Variants in SLC6A3 observed in about 807,000 individuals in gnomAD.
SLC6A3 encodes sodium-dependent dopamine transporter.
SLC6A3 carries 19 observed loss-of-function variants against 70.4 expected under a neutral mutation model. That is an observed-to-expected ratio of 0.27 (90% CI 0.19 to 0.40). The LOEUF is 0.40. SLC6A3 is among the 10% of genes least tolerant of loss of function. The probability of loss-of-function intolerance (pLI) is 1.00; values close to 1 mark genes in which losing one functional copy is unlikely to be tolerated. For missense variants in SLC6A3, 613 were observed against 838.5 expected, an observed-to-expected ratio of 0.73 and a Z score of 3.32; for synonymous variants, 368 against 356.6, an observed-to-expected ratio of 1.03 and a Z score of -0.36.
rs1423894926 is a variant in SLC6A3 at position 1,413,319 on chromosome 5, C to T, written c.1156+1372G>A. 6.6e-6 allele frequency among the ~76,000 whole-genome samples: 1 copy of T among 152,150 alleles called. No individual in the cohort carries two copies. The highest frequency in any genetic ancestry group is 1.5e-5 in the Non-Finnish European group (1 of 68,032). On this transcript the variant is annotated intron_variant, in intron 8 of 14. Transcript: ENST00000270349. The surrounding 1 kb of genome is among the most constrained non-coding windows in gnomAD (Gnocchi z 7.1). ...TGGAAAGAACATGGGCTTAGGAGGC[C>T]CACCTCTGAGCTGTGGCTCCAGCCC...
At chr5:1,416,911 A>G (rs1275504396) in intron 6 of SLC6A3, among the ~76,000 whole-genome samples, 4 of 152,156 alleles carry the variant, frequency 2.6e-5, no homozygotes, top group Admixed American at 2.6e-4. Flanking sequence ...ATTCATCCAC[A>G]TGCTGCATAA....
chr5:1,395,924 A>G (rs1393388746), intron 14 of SLC6A3, among the ~76,000 whole-genome samples: 2 of 152,218 alleles, frequency 1.3e-5, no homozygotes, highest in Non-Finnish European at 2.9e-5. Context: ...AATGTAAAAT[A>G]AAGACTAGAA....
At position 1,436,940 on chromosome 5, in the gene SLC6A3, A is replaced by C. The variant is rs1415328818; in HGVS notation, c.419-4242T>G. Reference sequence around the variant, plus strand: ...CCCTCCATACCTCACAGGAGGCATCAAGCAGGTCTTTGGAAGAAAGACGGG... The same window carrying C: ...CCCTCCATACCTCACAGGAGGCATCCAGCAGGTCTTTGGAAGAAAGACGGG... On this transcript the variant is annotated intron_variant, in intron 3 of 14. Coordinates refer to ENST00000270349, the MANE Select transcript of SLC6A3 (RefSeq NM_001044.5). This position sits in a 1 kb window ranked among gnomAD's most constrained non-coding sequence, Gnocchi z 5.2. 6.6e-6 allele frequency among the ~76,000 whole-genome samples: 1 copy of C among 152,188 alleles called. No homozygotes were observed. The highest frequency in any genetic ancestry group is 1.5e-5 in the Non-Finnish European group (1 of 68,030).
intron 14 of SLC6A3, among the ~76,000 whole-genome samples, chr5:1,398,537 T>C (rs895546137): frequency 2.6e-5 from 4 of 152,050 alleles, no homozygotes; most frequent in Admixed American, 6.6e-5. Context: ...TTCAAATATA[T>C]CAATAATCAC....
rs575728411 is a variant in SLC6A3 at position 1,426,518 on chromosome 5, G to A, written c.654-4504C>T. ...TCATACCACTGCACACTCCAGCCTG[G>A]ACAACAGAGTGAGATCCTGTCTCTA... is the stretch of plus-strand genomic sequence containing the variant. On this transcript the variant is annotated intron_variant, in intron 4 of 14. Transcript: ENST00000270349. Among the ~76,000 whole-genome samples the A allele has an allele frequency of 2.6e-5, 4 of 152,238 alleles. No homozygotes were observed. In the East Asian group the frequency reaches 5.8e-4, roughly 22 times the overall value.
At position 1,394,624 on chromosome 5, in the gene SLC6A3, A is replaced by T; in HGVS notation, c.*111T>A. On this transcript the variant is annotated 3_prime_UTR_variant, in exon 15 of 15. Transcript: ENST00000270349. This position sits in a 1 kb window ranked among gnomAD's most constrained non-coding sequence, Gnocchi z 4.7. ...GCTTTGTTGTTTGTGTTTTCAGTAG[A>T]GGTTGAAGAGTAGAAGTTGCCCTCC... is the stretch of plus-strand genomic sequence containing the variant. 2.0e-6 allele frequency: 2 copies of T among 1,014,998 alleles called. No homozygotes were observed. The highest frequency in any genetic ancestry group is 3.2e-6 in the Non-Finnish European group (2 of 634,106). 62.9% of individuals were successfully genotyped at this position (1,014,998 alleles called of 1,614,324 possible).
At position 1,402,438 on chromosome 5, in the gene SLC6A3, C is replaced by T. The variant is rs185203352; in HGVS notation, c.1767+484G>A. Among the ~76,000 whole-genome samples, 2 of 152,160 alleles carry T rather than the reference C, an allele frequency of 1.3e-5. No individual in the cohort carries two copies. The highest frequency in any genetic ancestry group is 4.8e-5 in the African/African-American group (2 of 41,518). The stretch of plus-strand genomic sequence containing the variant: ...TGTTCAGCCAAAGTTGGGCTCGGCC[C>T]TGGGGGGACCTAGATCACCCCTGAT... On this transcript the variant is annotated intron_variant, in intron 13 of 14. Coordinates refer to ENST00000270349, the MANE Select transcript of SLC6A3 (RefSeq NM_001044.5). This position sits in a 1 kb window ranked among gnomAD's most constrained non-coding sequence, Gnocchi z 8.5.
At chr5:1,445,059 G>T (rs1733769335) in intron 1 of SLC6A3, among the ~76,000 whole-genome samples, 1 of 152,150 alleles carries the variant, frequency 6.6e-6, no homozygotes, top group Non-Finnish European at 1.5e-5. Flanking sequence ...AGACACCCAC[G>T]CGTCCCCTAA....
intron 4 of SLC6A3, among the ~76,000 whole-genome samples, chr5:1,425,213 C>T (rs1050538151): frequency 6.6e-6 from 1 of 152,198 alleles, no homozygotes; most frequent in African/African-American, 2.4e-5. Flanking sequence ...GTGATCCAGG[C>T]ATGCTCAGGC....
In SLC6A3 at chr5:1,394,675, G is replaced by A. The variant is rs1038071043; in HGVS notation, c.*60C>T. The A allele has an allele frequency of 1.3e-6, 2 of 1,535,488 alleles. No individual in the cohort carries two copies. Among genetic ancestry groups the A allele is most frequent in the Admixed American group, 1.7e-5 (1 of 59,940 alleles). ...TTTCTCTCGAAACTTAGATTTCCTTGGTTTGTTCGTGTCTCTCCCATTGCA... is the reference window on the plus strand; with the variant it reads ...TTTCTCTCGAAACTTAGATTTCCTTAGTTTGTTCGTGTCTCTCCCATTGCA... On this transcript the variant is annotated 3_prime_UTR_variant, in exon 15 of 15. Transcript: ENST00000270349. The surrounding 1 kb of genome is among the most constrained non-coding windows in gnomAD (Gnocchi z 4.7).
intron 4 of SLC6A3, among the ~76,000 whole-genome samples, chr5:1,428,702 CCTGAGGAACACTGGGTGTAGGAGCCAGCA>C (rs1756627150): frequency 6.6e-6 from 1 of 152,104 alleles, no homozygotes; most frequent in Non-Finnish European, 1.5e-5. Context: ...ATTTGCCAAC[CCTGAGGAACACTGGGTGTAGGAGCCAGCA>C]CTGCACACGG....
At position 1,436,532 on chromosome 5, in the gene SLC6A3, C is replaced by G. The variant is rs1181702427; in HGVS notation, c.419-3834G>C. On this transcript the variant is annotated intron_variant, in intron 3 of 14. Coordinates refer to ENST00000270349, the MANE Select transcript of SLC6A3 (RefSeq NM_001044.5). This position sits in a 1 kb window ranked among gnomAD's most constrained non-coding sequence, Gnocchi z 5.2. Reference sequence around the variant, plus strand: ...CGCTAAGTGTGAATTTCAAGCATAGCTTTTAAGGCCCATTTCCTTAAATTT... The same window carrying G: ...CGCTAAGTGTGAATTTCAAGCATAGGTTTTAAGGCCCATTTCCTTAAATTT... 6.6e-6 allele frequency among the ~76,000 whole-genome samples: 1 copy of G among 152,198 alleles called. No homozygotes were observed. The highest frequency in any genetic ancestry group is 2.4e-5 in the African/African-American group (1 of 41,434).
At chr5:1,416,551 TAACCCTCGGAACA>T in intron 6 of SLC6A3, 3 of 426,652 alleles carry the variant, frequency 7.0e-6, no homozygotes, top group South Asian at 2.1e-5. Flanking sequence ...AGCATCCTAA[TAACCCTCGGAACA>T]GCACGGCCTC....
rs754321622 is a variant in SLC6A3 at position 1,405,359 on chromosome 5, C to T, written c.1599+829G>A. On this transcript the variant is annotated intron_variant, in intron 12 of 14. Coordinates refer to ENST00000270349, the MANE Select transcript of SLC6A3 (RefSeq NM_001044.5). The surrounding 1 kb of genome is among the most constrained non-coding windows in gnomAD (Gnocchi z 5.3). Reference sequence around the variant, plus strand: ...AGGTGACGAGGGGTCTCCACGCACGCGGGCCCTGCTGACTCCGGGACCAGC... The same window carrying T: ...AGGTGACGAGGGGTCTCCACGCACGTGGGCCCTGCTGACTCCGGGACCAGC... 2.8e-4 allele frequency among the ~76,000 whole-genome samples: 43 copies of T among 152,366 alleles called. No individual in the cohort carries two copies. Among genetic ancestry groups the T allele is most frequent in the Admixed American group, 7.2e-4 (11 of 15,306 alleles).
intron 9 of SLC6A3, among the ~76,000 whole-genome samples, chr5:1,410,259 G>A (rs557343535): frequency 2.0e-5 from 3 of 152,132 alleles, no homozygotes; most frequent in Non-Finnish European, 2.9e-5. Flanking sequence ...ACGCCTTCCC[G>A]ACGGAGCCTC....
rs58116816 is a variant in SLC6A3, at chr5:1,421,618, G to T, written c.792+258C>A. Among the ~76,000 whole-genome samples the T allele has an allele frequency of 6.7e-6, 1 of 149,442 alleles. No individual in the cohort carries two copies. The highest frequency in any genetic ancestry group is 1.5e-5 in the Non-Finnish European group (1 of 67,420). On this transcript the variant is annotated intron_variant, in intron 5 of 14. Transcript: ENST00000270349. The surrounding 1 kb of genome is among the most constrained non-coding windows in gnomAD (Gnocchi z 7.2). The stretch of plus-strand genomic sequence containing the variant: ...CGTGTCCCCCCACCCACCCATGGCC[G>T]CGCGTCTACCCAAGCCAACCCGGCA...
chr5:1,410,478 G>C (rs1241927503), intron 9 of SLC6A3, among the ~76,000 whole-genome samples: 5 of 152,108 alleles, frequency 3.3e-5, no homozygotes, highest in Admixed American at 3.3e-4. Context: ...AAGGGATTCT[G>C]GGTTCTTTGG....
intron 4 of SLC6A3, among the ~76,000 whole-genome samples, chr5:1,431,272 G>A (rs1756695072): frequency 6.6e-6 from 1 of 152,252 alleles, no homozygotes; most frequent in Non-Finnish European, 1.5e-5. Flanking sequence ...GGCCATTGGT[G>A]ACGAGGGAGG....
In SLC6A3 at chr5:1,406,268, C is replaced by T. The variant is rs920989049; in HGVS notation, c.1519G>A (p.Asp507Asn). Residue 507 changes from aspartate (D) to asparagine (N), a missense_variant, in exon 12 of 15, where the codon GAC becomes AAC. Transcript: ENST00000270349. This position sits in a 1 kb window ranked among gnomAD's most constrained non-coding sequence, Gnocchi z 8.8. The part of the protein sequence containing the change: ...WFYGVGQFSD[D>N]IQQMTGQRPS... ...CGCTGCCCGGTCATCTGCTGGATGTCGTCGCTGAACTGCCCAACACCTGAG... is the reference window on the plus strand; with the variant it reads ...CGCTGCCCGGTCATCTGCTGGATGTTGTCGCTGAACTGCCCAACACCTGAG... The T allele has an allele frequency of 8.7e-6, 14 of 1,612,822 alleles. No homozygotes were observed. Among genetic ancestry groups the T allele is most frequent in the African/African-American group, 1.3e-5 (1 of 74,916 alleles).
Sources: gnomAD v4.1 joint callset for allele counts (sites outside exome capture counted in the v4.1 genomes callset) on GRCh38, gnomAD v4.1.1 for gene constraint, Gnocchi (gnomAD v3.1) non-coding constraint, MANE v1.5 for transcripts, NCBI Gene and HGNC (gene_info 2026-07-23, HGNC 2026-07-21) for gene names.